The following PCDHGB1 variants were observed in gnomAD, a reference collection of about 807,000 sequenced individuals.
The protein encoded by PCDHGB1 is protocadherin gamma subfamily B, 1.
A neutral mutation model predicts 56.6 loss-of-function variants in PCDHGB1; 34 were observed. The ratio of observed to expected loss-of-function variants is 0.60; its 90% CI spans 0.46 to 0.80. The LOEUF is 0.80. Among genes scored for constraint, PCDHGB1 ranks in the 30% least tolerant of loss-of-function variants. The pLI, the probability that PCDHGB1 is intolerant of heterozygous loss-of-function variation, is 0.00. For missense variants in PCDHGB1, 1,278 were observed against 1,204.6 expected, an observed-to-expected ratio of 1.06 and a Z score of -0.90; for synonymous variants, 561 against 505.9, an observed-to-expected ratio of 1.11 and a Z score of -1.46.
chr5:141,492,146 C>T (rs979485619), intron 1 of PCDHGB1, among the ~76,000 whole-genome samples: 3 of 152,242 alleles, frequency 2.0e-5, no homozygotes, highest in African/African-American at 4.8e-5. Flanking sequence ...TGTGACTTCA[C>T]TGTTACCCTC....
At chr5:141,386,155 C>A (rs763846568) in intron 1 of PCDHGB1, among the ~76,000 whole-genome samples, 73 of 152,278 alleles carry the variant, frequency 4.8e-4, no homozygotes, top group Middle Eastern at 3.4e-3. Flanking sequence ...AACTGTCTCA[C>A]GTACTCAAAC....
At chr5:141,421,979 G>A in intron 1 of PCDHGB1, 1 of 1,609,702 alleles carries the variant, frequency 6.2e-7, no homozygotes, top group Non-Finnish European at 8.5e-7. Context: ...TATCGCGTGA[G>A]TGTTCCAGAA....
chr5:141,505,341 A>T, intron 2 of PCDHGB1, 52 bp from the exon 3 acceptor site: 1 of 1,612,728 alleles, frequency 6.2e-7, no homozygotes, highest in Non-Finnish European at 8.5e-7. Flanking sequence ...CAGGAGGGGC[A>T]TGAGCTGTGC....
chr5:141,359,472 T>G (rs1033870271), intron 1 of PCDHGB1, among the ~76,000 whole-genome samples: 1 of 151,384 alleles, frequency 6.6e-6, no homozygotes, highest in African/African-American at 2.4e-5. Flanking sequence ...ATTAAACAAA[T>G]TGTTGTATAT....
At chr5:141,409,590 A>G (rs755702950) in intron 1 of PCDHGB1, 1 of 1,613,898 alleles carries the variant, frequency 6.2e-7, no homozygotes, top group Non-Finnish European at 8.5e-7. Context: ...CACGTGGCCG[A>G]GAACAACCCG....
At chr5:141,385,113 G>A (rs541716228) in intron 1 of PCDHGB1, 3 of 1,614,166 alleles carry the variant, frequency 1.9e-6, no homozygotes, top group South Asian at 2.2e-5. Context: ...TGCCCACCTC[G>A]CACTTTGTGG....
rs1182148013 is a variant in PCDHGB1 at position 141,431,510 on chromosome 5, G to A, written c.2410-63297G>A. 2 of 1,613,904 alleles carry A rather than the reference G, an allele frequency of 1.2e-6. No individual in the cohort carries two copies. Among genetic ancestry groups the A allele is most frequent in the Admixed American group, 1.7e-5 (1 of 60,016 alleles). Reference sequence around the variant, plus strand: ...TGCTCAGCCCGAGTACCGCGCGAGCGTTCCGGAGAATCTGGCCTTGGGCAC... The same window carrying A: ...TGCTCAGCCCGAGTACCGCGCGAGCATTCCGGAGAATCTGGCCTTGGGCAC... On this transcript the variant is annotated intron_variant, in intron 1 of 3. Coordinates refer to ENST00000523390, the MANE Select transcript of PCDHGB1 (RefSeq NM_018922.3). The surrounding 1 kb of genome is among the most constrained non-coding windows in gnomAD (Gnocchi z 4.8).
Position 141,512,171 on chromosome 5 carries a change from T to C in PCDHGB1, c.*998T>C, listed in dbSNP as rs140884268. ...GGGCTGAGCTAACAGGACCAATGGA[T>C]TAAACTGGCATTTCAGTCCAAGGAA... On this transcript the variant is annotated 3_prime_UTR_variant, in exon 4 of 4. Transcript: ENST00000523390. 584 of 152,796 alleles carry C rather than the reference T, an allele frequency of 3.8e-3. 5 individuals carry two copies. The highest frequency in any genetic ancestry group is 0.011 in the Admixed American group (167 of 15,298). The allele number at this position is 152,796 out of a possible 1,614,324, so 9.5% of individuals were successfully genotyped here. A position where few individuals can be genotyped will look rare whatever the true frequency, so the allele number is the denominator to read the frequency against.
chr5:141,429,896 A>G (rs1307950556), intron 1 of PCDHGB1, among the ~76,000 whole-genome samples: 1 of 152,346 alleles, frequency 6.6e-6, no homozygotes, highest in South Asian at 2.1e-4. Flanking sequence ...TGAACAATAA[A>G]TATTTTTGAA....
chr5:141,507,781 C>A (rs2099863256), intron 3 of PCDHGB1, among the ~76,000 whole-genome samples: 1 of 152,214 alleles, frequency 6.6e-6, no homozygotes, highest in South Asian at 2.1e-4. Flanking sequence ...CAGGGCCTGA[C>A]CCTCGTCTAA....
chr5:141,399,561 GT>G, intron 1 of PCDHGB1: 1 of 1,614,042 alleles, frequency 6.2e-7, no homozygotes, highest in Non-Finnish European at 8.5e-7. Context: ...TGGACTTGGG[GT>G]TGAACGGCCA....
Position 141,430,614 on chromosome 5 carries a change from T to C in PCDHGB1, c.2410-64193T>C, listed in dbSNP as rs1030314096. 7.3e-6 allele frequency: 5 copies of C among 680,636 alleles called. No individual in the cohort carries two copies. In the African/African-American group the frequency reaches 7.4e-5, roughly 10 times the overall value. 42.2% of individuals were successfully genotyped at this position (680,636 alleles called of 1,614,324 possible). ...GCACGCGCCTGAAGCACAAAGCAGA[T>C]AGCTAGGAATGAACCATCCCTGGGA... On this transcript the variant is annotated intron_variant, in intron 1 of 3. Transcript: ENST00000523390.
Position 141,486,271 on chromosome 5 carries a change from C to G in PCDHGB1, c.2410-8536C>G, listed in dbSNP as rs143039217. ...CCCTCCCCGAGAGTGCAGAACCTGG[C>G]ACTGTGGTGGCACTTATCAGTGTGC... On this transcript the variant is annotated intron_variant, in intron 1 of 3. Coordinates refer to ENST00000523390, the MANE Select transcript of PCDHGB1 (RefSeq NM_018922.3). The surrounding 1 kb of genome is among the most constrained non-coding windows in gnomAD (Gnocchi z 5.0). 6.2e-7 allele frequency: 1 copy of G among 1,613,968 alleles called. No homozygotes were observed. Among genetic ancestry groups the G allele is most frequent in the African/African-American group, 1.3e-5 (1 of 74,902 alleles).
rs377248872 is a variant in PCDHGB1 at position 141,489,231 on chromosome 5, C to T, written c.2410-5576C>T. 2 of 1,528,166 alleles carry T rather than the reference C, an allele frequency of 1.3e-6. No homozygotes were observed. The highest frequency in any genetic ancestry group is 1.4e-5 in the African/African-American group (1 of 72,140). The allele number at this position is 1,528,166 out of a possible 1,614,324, so 94.7% of individuals were successfully genotyped here. A position where few individuals can be genotyped will look rare whatever the true frequency, so the allele number is the denominator to read the frequency against. On this transcript the variant is annotated intron_variant, in intron 1 of 3. Transcript: ENST00000523390. This position sits in a 1 kb window ranked among gnomAD's most constrained non-coding sequence, Gnocchi z 4.5. ...CACAGACTTACTCTCCACAAAGGGA[C>T]TTCTGGGTCATGGGGCCCAAGACAC...
At position 141,361,241 on chromosome 5, in the gene PCDHGB1, T is replaced by C. The variant is rs774637844; in HGVS notation, c.2409+8572T>C. Reference sequence around the variant, plus strand: ...CCACCAGGAACAGTGATCGCCTTGATAAAAACGAGAGACAGAGACTCTGGA... The same window carrying C: ...CCACCAGGAACAGTGATCGCCTTGACAAAAACGAGAGACAGAGACTCTGGA... On this transcript the variant is annotated intron_variant, in intron 1 of 3. Coordinates refer to ENST00000523390, the MANE Select transcript of PCDHGB1 (RefSeq NM_018922.3). 3.7e-6 allele frequency: 6 copies of C among 1,613,960 alleles called. No homozygotes were observed. In the South Asian group the frequency reaches 6.6e-5, roughly 18 times the overall value.
intron 1 of PCDHGB1, chr5:141,383,980 C>T: frequency 6.2e-7 from 1 of 1,613,696 alleles, no homozygotes; most frequent in Admixed American, 1.7e-5. Context: ...TGAAGACACA[C>T]CTCTTGGGAC....
At chr5:141,369,987 G>T (rs1363490934) in intron 1 of PCDHGB1, among the ~76,000 whole-genome samples, 1 of 152,174 alleles carries the variant, frequency 6.6e-6, no homozygotes, top group Non-Finnish European at 1.5e-5. Context: ...GATTTGGATG[G>T]ATAAAGCTCA....
rs2099521625 is a variant in PCDHGB1, at chr5:141,480,568, G to A, written c.2410-14239G>A. 2.0e-5 allele frequency among the ~76,000 whole-genome samples: 3 copies of A among 152,338 alleles called. No individual in the cohort carries two copies. The South Asian group carries it at 6.2e-4, about 32-fold the overall frequency. Reference sequence around the variant, plus strand: ...AAAGGCTAAGAAAGCATGAAAGCCAGCAAGAAATAACTGCCGCTCTTCTGG... The same window carrying A: ...AAAGGCTAAGAAAGCATGAAAGCCAACAAGAAATAACTGCCGCTCTTCTGG... On this transcript the variant is annotated intron_variant, in intron 1 of 3. Coordinates refer to ENST00000523390, the MANE Select transcript of PCDHGB1 (RefSeq NM_018922.3).
intron 1 of PCDHGB1, chr5:141,375,937 A>G (rs777064247): frequency 1.5e-5 from 24 of 1,613,516 alleles, no homozygotes; most frequent in African/African-American, 6.7e-5. Flanking sequence ...GACTTTTCTC[A>G]GTGGGCCTGC....
Sources: allele counts gnomAD v4.1 joint callset (sites outside exome capture counted in the v4.1 genomes callset), GRCh38; gene constraint gnomAD v4.1.1; non-coding constraint Gnocchi (gnomAD v3.1); transcripts MANE v1.5; gene names NCBI Gene and HGNC (gene_info 2026-07-23, HGNC 2026-07-21).